SLA: variants seen among roughly 807,000 people sequenced by gnomAD.
SLA encodes Src like adaptor, also known as src-like-adapter.
Under a neutral mutation model 30.3 loss-of-function variants are expected in SLA, and 16 were observed. That is an observed-to-expected ratio of 0.53 (90% CI 0.36 to 0.80). The LOEUF (loss-of-function observed/expected upper bound fraction) is 0.80, where lower values mean the gene tolerates loss of function less well. Ranked by LOEUF, SLA falls within the 30% of genes least tolerant of loss-of-function variation. The pLI is 0.01. For missense variants in SLA, 310 were observed against 345.2 expected, an observed-to-expected ratio of 0.90 and a Z score of 0.81; for synonymous variants, 143 against 137.8, an observed-to-expected ratio of 1.04 and a Z score of -0.26.
intron 1 of SLA, chr8:133,096,203 C>A: frequency 6.2e-7 from 1 of 1,614,226 alleles, no homozygotes; most frequent in Admixed American, 1.7e-5. Flanking sequence ...GCATCCAATG[C>A]AGCTCCTGGC....
chr8:133,058,119 G>T (rs1841787822), intron 3 of SLA, among the ~76,000 whole-genome samples: 2 of 152,254 alleles, frequency 1.3e-5, no homozygotes, highest in Admixed American at 1.3e-4. Flanking sequence ...CTCTGACCCT[G>T]TGCATGAGGC....
intron 7 of SLA, among the ~76,000 whole-genome samples, chr8:133,043,735 A>G (rs1279821397): frequency 1.3e-5 from 2 of 152,170 alleles, no homozygotes; most frequent in African/African-American, 4.8e-5. Flanking sequence ...TGATAACCAA[A>G]GCCCTGTGGA....
chr8:133,069,282 T>G (rs1165770327), intron 2 of SLA, among the ~76,000 whole-genome samples: 8 of 152,236 alleles, frequency 5.3e-5, no homozygotes, highest in Admixed American at 1.3e-4. Context: ...ACAGCATTAC[T>G]CATAAACTTA....
At chr8:133,088,741 G>A (rs59047695) in intron 1 of SLA, among the ~76,000 whole-genome samples, 1 of 152,154 alleles carries the variant, frequency 6.6e-6, no homozygotes, top group African/African-American at 2.4e-5. Flanking sequence ...TATACCAACA[G>A]GTAGTTTTGA....
At chr8:133,071,592 G>A (rs1844042374) in intron 2 of SLA, among the ~76,000 whole-genome samples, 1 of 152,114 alleles carries the variant, frequency 6.6e-6, no homozygotes, top group Non-Finnish European at 1.5e-5. Flanking sequence ...TTCAGAGGAT[G>A]CCTATTTTGA....
intron 7 of SLA, among the ~76,000 whole-genome samples, chr8:133,041,798 T>G (rs1440953432): frequency 6.6e-6 from 1 of 150,710 alleles, no homozygotes; most frequent in Admixed American, 6.6e-5. Flanking sequence ...TTTTTTTTTT[T>G]TTTTTTTTTA....
At chr8:133,083,168 G>C (rs186896883) in intron 1 of SLA, among the ~76,000 whole-genome samples, 1 of 152,146 alleles carries the variant, frequency 6.6e-6, no homozygotes, top group Non-Finnish European at 1.5e-5. Context: ...ATTATAACCT[G>C]TAAAGCATGG....
intron 1 of SLA, among the ~76,000 whole-genome samples, chr8:133,089,234 C>T (rs974680978): frequency 6.6e-5 from 10 of 152,240 alleles, no homozygotes; most frequent in African/African-American, 2.4e-4. Context: ...ACATTCATTT[C>T]CAGTTCTCTT....
rs140980689 is a variant in SLA at position 133,069,288 on chromosome 8, A to T, written c.-41+5565T>A. Among the ~76,000 whole-genome samples, 600 of 152,298 alleles carry T rather than the reference A, an allele frequency of 3.9e-3. 4 individuals carry two copies. The highest frequency in any genetic ancestry group is 0.014 in the African/African-American group (572 of 41,554). On this transcript the variant is annotated intron_variant, in intron 2 of 8. Transcript: ENST00000338087. Reference sequence around the variant, plus strand: ...ATGTGAATCACAGCATTACTCATAAACTTATCAAGCAAGATGGGAATCAGC... The same window carrying T: ...ATGTGAATCACAGCATTACTCATAATCTTATCAAGCAAGATGGGAATCAGC...
intron 2 of SLA, among the ~76,000 whole-genome samples, chr8:133,065,992 G>T (rs1460807645): frequency 6.6e-6 from 1 of 152,086 alleles, no homozygotes; most frequent in Non-Finnish European, 1.5e-5. Context: ...AGCGAGGCCA[G>T]TTGAGGCATG....
Position 133,050,908 on chromosome 8 carries a change from A to C in SLA, c.69T>G (p.Asp23Glu), listed in dbSNP as rs756605930. 29 of 1,611,228 alleles carry C rather than the reference A, an allele frequency of 1.8e-5. No individual in the cohort carries two copies. The Admixed American group carries it at 2.3e-4, about 13-fold the overall frequency. ...CACTTAGCACGGCAAGGAAGTCGCT[A>C]TCCAGTCCTGGGGAAACAAAGGCAA... is the stretch of plus-strand genomic sequence containing the variant. ...ERPLPNPEGL[D>E]SDFLAVLSDY... The change falls in exon 4 of 9, where the codon GAT (aspartate) becomes GAG (glutamate). Residue 23 changes from aspartate to glutamate, a missense_variant. Physicochemically the swap from Asp to Glu is conservative, Grantham distance 45 (BLOSUM62 2). Coordinates refer to ENST00000338087, the MANE Select transcript of SLA (RefSeq NM_001045556.3).
intron 1 of SLA, among the ~76,000 whole-genome samples, chr8:133,079,894 A>G (rs745545539): frequency 1.3e-5 from 2 of 151,930 alleles, no homozygotes; most frequent in Non-Finnish European, 2.9e-5. Context: ...GACCTTCAAG[A>G]TCGCATACAA....
At position 133,038,319 on chromosome 8, in the gene SLA, A is replaced by G. The variant is rs1837457116; in HGVS notation, c.*205T>C. On this transcript the variant is annotated 3_prime_UTR_variant, in exon 9 of 9. Coordinates refer to ENST00000338087, the MANE Select transcript of SLA (RefSeq NM_001045556.3). ...TCATGATCCAATGTTTCGTGATGCC[A>G]CAGCCCTGATCAGACACCAGGGAGG... The G allele has an allele frequency of 3.4e-6, 2 of 596,420 alleles. No individual in the cohort carries two copies. Among genetic ancestry groups the G allele is most frequent in the Non-Finnish European group, 6.0e-6 (2 of 335,602 alleles). 36.9% of individuals were successfully genotyped at this position (596,420 alleles called of 1,614,324 possible).
chr8:133,055,797 C>T (rs540181261), intron 3 of SLA, among the ~76,000 whole-genome samples: 2 of 152,186 alleles, frequency 1.3e-5, no homozygotes, highest in South Asian at 4.1e-4. Flanking sequence ...TTTCATTCCA[C>T]CATTCCCTTC....
intron 2 of SLA, chr8:133,073,369 T>C (rs1299025900): frequency 6.6e-6 from 1 of 152,212 alleles, no homozygotes; most frequent in African/African-American, 2.4e-5. Flanking sequence ...CTTCTTATTT[T>C]TTTTAGATGA....
At chr8:133,096,484 TG>T (rs1191642232) in intron 1 of SLA, 1 of 1,305,680 alleles carries the variant, frequency 7.7e-7, no homozygotes, top group Non-Finnish European at 1.1e-6. Context: ...GTAACTACTG[TG>T]TGCAATGCCT....
chr8:133,056,442 A>G (rs1174685675), intron 3 of SLA, among the ~76,000 whole-genome samples: 1 of 152,208 alleles, frequency 6.6e-6, no homozygotes, highest in Non-Finnish European at 1.5e-5. Context: ...GGCCAGGCAC[A>G]TTCTCATTCA....
chr8:133,095,400 G>A (rs1235124587), intron 1 of SLA, among the ~76,000 whole-genome samples: 3 of 151,768 alleles, frequency 2.0e-5, no homozygotes, highest in Non-Finnish European at 2.9e-5. Flanking sequence ...GTCCAAACAT[G>A]GGCACTGAGG....
chr8:133,052,794 G>A (rs1036834360), intron 3 of SLA, among the ~76,000 whole-genome samples: 2 of 152,214 alleles, frequency 1.3e-5, no homozygotes, highest in African/African-American at 4.8e-5. Flanking sequence ...CCAGCAAGGG[G>A]GTCTCAGGCG....
Sources: allele counts gnomAD v4.1 joint callset (sites outside exome capture counted in the v4.1 genomes callset), GRCh38; gene constraint gnomAD v4.1.1; transcripts MANE v1.5; gene names NCBI Gene and HGNC (gene_info 2026-07-23, HGNC 2026-07-21).